CCDC171: variants seen among roughly 807,000 people sequenced by gnomAD.
CCDC171 encodes the protein coiled-coil domain-containing protein 171.
CCDC171 carries 177 observed loss-of-function variants against 168.2 expected under a neutral mutation model. That is an observed-to-expected ratio of 1.05 (90% confidence interval 0.93 to 1.19). The LOEUF (loss-of-function observed/expected upper bound fraction) is 1.19, where lower values mean the gene tolerates loss of function less well. Ranked by LOEUF, CCDC171 falls within the 50% of genes most tolerant of loss-of-function variation. The probability of loss-of-function intolerance (pLI) is 0.00; values close to 1 mark genes in which losing one functional copy is unlikely to be tolerated. For synonymous variants in CCDC171, 687 were observed against 540.8 expected, an observed-to-expected ratio of 1.27 and a Z score of -3.75; for missense variants, 1,991 against 1,539.0, an observed-to-expected ratio of 1.29 and a Z score of -4.91.
At chr9:15,769,230 T>C (rs2056887724) in intron 18 of CCDC171, among the ~76,000 whole-genome samples, 1 of 152,206 alleles carries the variant, frequency 6.6e-6, no homozygotes, top group Admixed American at 6.5e-5. Context: ...GAGAGCATGA[T>C]AGTATATTGT....
chr9:16,104,418 C>A, the CCDC171 span, among the ~76,000 whole-genome samples: 1 of 152,140 alleles, frequency 6.6e-6, no homozygotes, highest in South Asian at 2.1e-4. Context: ...CCCTCTCTGC[C>A]TTTTGTCTTC....
chr9:15,989,476 A>G (rs1389141940), intron 3 of CCDC171, among the ~76,000 whole-genome samples: 1 of 152,196 alleles, frequency 6.6e-6, no homozygotes, highest in African/African-American at 2.4e-5. Flanking sequence ...AAAGATGGGG[A>G]AAAAACAGAG....
intron 21 of CCDC171, among the ~76,000 whole-genome samples, chr9:15,796,675 T>A (rs543493792): frequency 6.6e-6 from 1 of 152,314 alleles, no homozygotes; most frequent in African/African-American, 2.4e-5. Flanking sequence ...GGGTGCAAGA[T>A]GGGCCAAGTC....
intron 10 of CCDC171, among the ~76,000 whole-genome samples, chr9:15,694,112 A>T (rs1302252539): frequency 2.0e-5 from 3 of 152,132 alleles, no homozygotes; most frequent in Non-Finnish European, 4.4e-5. Context: ...ATGTTCCCAC[A>T]TCTTGTATCC....
chr9:16,007,284 T>C (rs1832733151), intron 3 of CCDC171, among the ~76,000 whole-genome samples: 1 of 152,182 alleles, frequency 6.6e-6, no homozygotes, highest in African/African-American at 2.4e-5. Flanking sequence ...GGGTTGTTTG[T>C]TTTTTTCTTG....
chr9:15,582,267 G>A lies in CCDC171; in HGVS notation c.352+3244G>A, dbSNP rs925755799. Among the ~76,000 whole-genome samples, 5 of 152,226 alleles carry A rather than the reference G, an allele frequency of 3.3e-5. No homozygotes were observed. In the East Asian group the frequency reaches 9.6e-4, roughly 29 times the overall value. On this transcript the variant is annotated intron_variant, in intron 4 of 25. Transcript: ENST00000380701. ...CAGTTAGAATGGGGTTCATTAAAAT[G>A]TCAGGAAACAACAGATGCTGGAGAG...
At chr9:15,896,564 A>G (rs1820925260) in intron 24 of CCDC171, among the ~76,000 whole-genome samples, 1 of 152,084 alleles carries the variant, frequency 6.6e-6, no homozygotes, top group Non-Finnish European at 1.5e-5. Context: ...GCAGCATCAC[A>G]TCAAGTCAGT....
chr9:15,746,835 T>C (rs1468732669), intron 18 of CCDC171, among the ~76,000 whole-genome samples: 2 of 152,206 alleles, frequency 1.3e-5, no homozygotes, highest in Non-Finnish European at 2.9e-5. Context: ...CAGGGGATTT[T>C]CGTTTCCTAG....
At chr9:15,718,150 G>T (rs185640435) in intron 11 of CCDC171, among the ~76,000 whole-genome samples, 6 of 152,296 alleles carry the variant, frequency 3.9e-5, no homozygotes, top group African/African-American at 1.4e-4. Flanking sequence ...ACCACAAGCT[G>T]ACTGAAGAGC....
At chr9:15,687,832 A>T (rs2050508950) in intron 10 of CCDC171, among the ~76,000 whole-genome samples, 1 of 152,208 alleles carries the variant, frequency 6.6e-6, no homozygotes, top group Non-Finnish European at 1.5e-5. Context: ...AAGAAGAAAT[A>T]TAAAATCCGT....
intron 25 of CCDC171, among the ~76,000 whole-genome samples, chr9:15,921,078 G>A (rs1479187718): frequency 1.3e-5 from 2 of 151,678 alleles, no homozygotes; most frequent in Non-Finnish European, 3.0e-5. Context: ...AGGCTGATAT[G>A]TCAACAGTAG....
chr9:16,027,555 A>G lies in CCDC171; in HGVS notation n.998+4647A>G, dbSNP rs192186716. Among the ~76,000 whole-genome samples the G allele has an allele frequency of 7.9e-5, 12 of 152,370 alleles. No individual in the cohort carries two copies. The East Asian group carries it at 2.3e-3, about 29-fold the overall frequency. ...AGAGAGTTAAGCAAATGTTTAACAT[A>G]CAATCAAATGGAAAGGCGCTTGTGT... On this transcript the variant is annotated intron_variant and non_coding_transcript_variant, in intron 6 of 9. Transcript: ENST00000486641.
At chr9:15,737,950 T>G (rs2054604208) in intron 16 of CCDC171, among the ~76,000 whole-genome samples, 1 of 152,204 alleles carries the variant, frequency 6.6e-6, no homozygotes, top group African/African-American at 2.4e-5. Context: ...TGTCCTTATT[T>G]TTTAACAGAG....
chr9:16,053,179 C>G (rs1564136933), intron 1 of CCDC171, among the ~76,000 whole-genome samples: 1 of 152,246 alleles, frequency 6.6e-6, no homozygotes, highest in Non-Finnish European at 1.5e-5. Flanking sequence ...GATCTACAGG[C>G]AGCTCCACTC....
chr9:15,698,257 C>T (rs1033360222), intron 11 of CCDC171, among the ~76,000 whole-genome samples: 9 of 152,236 alleles, frequency 5.9e-5, no homozygotes, highest in East Asian at 1.9e-4. Context: ...CGCGGTGGCT[C>T]ACGCCTGTAA....
chr9:15,713,067 C>G (rs931751620), intron 11 of CCDC171, among the ~76,000 whole-genome samples: 5 of 152,150 alleles, frequency 3.3e-5, no homozygotes, highest in Non-Finnish European at 7.3e-5. Context: ...ACATTCTTTC[C>G]AAGTACCTAA....
At chr9:15,813,647 T>A (rs1481870081) in intron 21 of CCDC171, among the ~76,000 whole-genome samples, 4 of 151,910 alleles carry the variant, frequency 2.6e-5, no homozygotes, top group African/African-American at 9.7e-5. Flanking sequence ...TTAAACTATA[T>A]GTTAATATTG....
In CCDC171 at chr9:15,578,926, A is replaced by G. The variant is rs1170428633; in HGVS notation, c.255A>G (p.Glu85=). ...GAGAAGCATTGCGACAAAGTCTGGAATATGACCTAGCTGTTGCTAGAAAGG... is the reference window on the plus strand; with the variant it reads ...GAGAAGCATTGCGACAAAGTCTGGAGTATGACCTAGCTGTTGCTAGAAAGG... The part of the protein sequence containing the change: ...EKGEALRQSL[E]YDLAVARKEA... Residue 85 remains glutamate, a synonymous_variant, in exon 4 of 26, where the codon GAA becomes GAG. Coordinates refer to ENST00000380701, the MANE Select transcript of CCDC171 (RefSeq NM_173550.4). 3.1e-6 allele frequency: 5 copies of G among 1,613,970 alleles called. No homozygotes were observed. The African/African-American group carries it at 6.7e-5, about 22-fold the overall frequency.
In CCDC171 at chr9:15,591,513, A is replaced by G; in HGVS notation, c.500A>G (p.Asp167Gly). 1 of 1,596,292 alleles carries G rather than the reference A, an allele frequency of 6.3e-7. No homozygotes were observed. The highest frequency in any genetic ancestry group is 8.5e-7 in the Non-Finnish European group (1 of 1,173,160). Residue 167 changes from aspartate to glycine, a missense_variant, in exon 5 of 26, where the codon GAT (aspartate) becomes GGT (glycine). Asp to Gly is a moderately conservative substitution (Grantham distance 94, BLOSUM62 -1). Transcript: ENST00000380701. ...NMIQNCNREYDLLMKEKSRLE... is the reference protein window; with the variant it reads ...NMIQNCNREYGLLMKEKSRLE... ...ATCCAAAATTGCAATCGAGAATATG[A>G]TTTACTTATGAAAGAAAAAAGCAGA...
Sources: gnomAD v4.1 joint callset for allele counts (sites outside exome capture counted in the v4.1 genomes callset) on GRCh38, gnomAD v4.1.1 for gene constraint, MANE v1.5 for transcripts, NCBI Gene and HGNC (gene_info 2026-07-23, HGNC 2026-07-21) for gene names.